The following PRR5L variants were observed in gnomAD, a reference collection of about 807,000 sequenced individuals.
PRR5L encodes the protein proline rich 5 like.
A neutral mutation model predicts 36.4 loss-of-function variants in PRR5L; 21 were observed. That is an observed-to-expected ratio of 0.58 (90% CI 0.41 to 0.83). PRR5L has a LOEUF of 0.83. Ranked by LOEUF, PRR5L falls within the 40% of genes least tolerant of loss-of-function variation. PRR5L has a pLI of 0.00. For missense variants in PRR5L, 381 were observed against 473.3 expected (o/e 0.80, Z 1.81); for synonymous variants, 188 against 197.0 (o/e 0.95, Z 0.38).
At position 36,464,551 on chromosome 11, in the gene PRR5L, T is replaced by C. The variant is rs965347068; in HGVS notation, c.*1815T>C. 1 of 152,236 alleles carries C rather than the reference T, an allele frequency of 6.6e-6. No homozygotes were observed. The highest frequency in any genetic ancestry group is 2.4e-5 in the African/African-American group (1 of 41,458). 9.4% of individuals were successfully genotyped at this position (152,236 alleles called of 1,614,324 possible). A position where few individuals can be genotyped will look rare whatever the true frequency, so the allele number is the denominator to read the frequency against. ...CAAAAAAATAATCTCTATGTATGTGTTGGATAAAGTCTACAGACTGACTAA... is the reference window on the plus strand; with the variant it reads ...CAAAAAAATAATCTCTATGTATGTGCTGGATAAAGTCTACAGACTGACTAA... On this transcript the variant is annotated 3_prime_UTR_variant, in exon 9 of 9. Coordinates refer to ENST00000530639, the MANE Select transcript of PRR5L (RefSeq NM_001160167.2).
chr11:36,374,093 CCTTCCTTCCTTCCT>C (rs1450262450), intron 1 of PRR5L, among the ~76,000 whole-genome samples: 20 of 117,936 alleles, frequency 1.7e-4, no homozygotes, highest in African/African-American at 7.0e-4. Context: ...TTCCTTCCTT[CCTTCCTTCCTTCCT>C]CTCTCTCTCT....
intron 1 of PRR5L, among the ~76,000 whole-genome samples, chr11:36,310,890 G>C (rs778360570): frequency 6.6e-6 from 1 of 151,566 alleles, no homozygotes; most frequent in Non-Finnish European, 1.5e-5. Context: ...CCAGCTACTC[G>C]GGAGGCCAAG....
At chr11:36,398,651 G>A (rs2133554193) in intron 1 of PRR5L, 1 of 152,422 alleles carries the variant, frequency 6.6e-6, no homozygotes, top group East Asian at 1.9e-4. Flanking sequence ...CATAGTCGTA[G>A]GCTGAAAATG....
intron 4 of PRR5L, among the ~76,000 whole-genome samples, chr11:36,430,892 G>A (rs1858478917): frequency 6.6e-6 from 1 of 152,120 alleles, no homozygotes; most frequent in South Asian, 2.1e-4. Flanking sequence ...ATTGCAGTAG[G>A]ATCTAGGGTT....
chr11:36,352,750 C>T (rs1296021666), intron 1 of PRR5L, among the ~76,000 whole-genome samples: 3 of 152,204 alleles, frequency 2.0e-5, no homozygotes, highest in Non-Finnish European at 4.4e-5. Context: ...TGGCCCTCCT[C>T]AGATACCAGG....
chr11:36,413,759 T>C lies in PRR5L; in HGVS notation c.246-5496T>C, dbSNP rs557462721. On this transcript the variant is annotated intron_variant, in intron 3 of 8. Coordinates refer to ENST00000530639, the MANE Select transcript of PRR5L (RefSeq NM_001160167.2). ...ATACTTTTAGTGTACGTGTGCACAA[T>C]GTGCAGGTTAGTTACATATGTATAC... 6.3e-4 allele frequency among the ~76,000 whole-genome samples: 95 copies of C among 151,820 alleles called. 1 individual carries two copies. The highest frequency in any genetic ancestry group is 3.4e-3 in the Middle Eastern group (1 of 294).
chr11:36,463,828 T>C lies in PRR5L; in HGVS notation c.*1092T>C, dbSNP rs967583932. On this transcript the variant is annotated 3_prime_UTR_variant, in exon 9 of 9. Transcript: ENST00000530639. Reference sequence around the variant, plus strand: ...ACAGAGCTCTAGAAGCAGCTGGACTTGAACCCACAATGGCTTGTGTAAATT... The same window carrying C: ...ACAGAGCTCTAGAAGCAGCTGGACTCGAACCCACAATGGCTTGTGTAAATT... The C allele has an allele frequency of 5.3e-5, 8 of 152,166 alleles. No individual in the cohort carries two copies. Among genetic ancestry groups the C allele is most frequent in the Non-Finnish European group, 5.9e-5 (4 of 68,032 alleles). 9.4% of individuals were successfully genotyped at this position (152,166 alleles called of 1,614,324 possible). A position where few individuals can be genotyped will look rare whatever the true frequency, so the allele number is the denominator to read the frequency against.
intron 1 of PRR5L, among the ~76,000 whole-genome samples, chr11:36,324,841 C>A (rs2133466935): frequency 6.6e-6 from 1 of 152,212 alleles, no homozygotes; most frequent in Admixed American, 6.5e-5. Flanking sequence ...TCTTTTCATT[C>A]TCTTAATAAG....
At chr11:36,418,259 G>C (rs1858188793) in intron 3 of PRR5L, among the ~76,000 whole-genome samples, 1 of 152,188 alleles carries the variant, frequency 6.6e-6, no homozygotes, top group South Asian at 2.1e-4. Context: ...TGTCCCTGCT[G>C]TGGTCCCCTT....
At chr11:36,451,552 C>A (rs1448797991) in intron 8 of PRR5L, among the ~76,000 whole-genome samples, 7 of 152,206 alleles carry the variant, frequency 4.6e-5, no homozygotes, top group Admixed American at 4.6e-4. Flanking sequence ...GATGATTCCT[C>A]CCCAAGGACC....
intron 6 of PRR5L, among the ~76,000 whole-genome samples, chr11:36,444,927 T>C (rs1461340748): frequency 2.6e-5 from 4 of 152,210 alleles, no homozygotes; most frequent in Non-Finnish European, 5.9e-5. Context: ...TCTCTGTCCA[T>C]CAATCCATCC....
chr11:36,399,401 A>G (rs1410800262), intron 1 of PRR5L, among the ~76,000 whole-genome samples: 1 of 149,964 alleles, frequency 6.7e-6, no homozygotes, highest in African/African-American at 2.5e-5. Context: ...AGCTGCTAAC[A>G]CCTCCCGTGC....
At position 36,418,582 on chromosome 11, in the gene PRR5L, G is replaced by A. The variant is rs1858196518; in HGVS notation, c.246-673G>A. Among the ~76,000 whole-genome samples the A allele has an allele frequency of 2.0e-5, 3 of 152,082 alleles. No homozygotes were observed. The South Asian group carries it at 6.2e-4, about 32-fold the overall frequency. ...GAGGCCGAGGCGGGCGGATCACGAG[G>A]TCAGGAGATCGAGACCATCCTGGCT... On this transcript the variant is annotated intron_variant, in intron 3 of 8. Coordinates refer to ENST00000530639, the MANE Select transcript of PRR5L (RefSeq NM_001160167.2).
At chr11:36,442,981 G>A (rs1022743074) in intron 6 of PRR5L, among the ~76,000 whole-genome samples, 5 of 151,794 alleles carry the variant, frequency 3.3e-5, no homozygotes, top group African/African-American at 1.2e-4. Flanking sequence ...ACACCTTCAG[G>A]TATCTTCATA....
chr11:36,301,540 C>T (rs1007657928), intron 1 of PRR5L, among the ~76,000 whole-genome samples: 1 of 152,028 alleles, frequency 6.6e-6, no homozygotes, highest in African/African-American at 2.4e-5. Context: ...GATGCTATGC[C>T]ATGATGGGTC....
At chr11:36,416,263 G>A (rs1858140684) in intron 3 of PRR5L, among the ~76,000 whole-genome samples, 1 of 152,180 alleles carries the variant, frequency 6.6e-6, no homozygotes, top group African/African-American at 2.4e-5. Flanking sequence ...TAAGGGATAA[G>A]GGCAGTGTAG....
intron 1 of PRR5L, among the ~76,000 whole-genome samples, chr11:36,298,946 A>T (rs974081590): frequency 6.6e-6 from 1 of 152,160 alleles, no homozygotes; most frequent in African/African-American, 2.4e-5. Flanking sequence ...ATTAAGGCCT[A>T]CCCTAAGGGG....
intron 1 of PRR5L, among the ~76,000 whole-genome samples, chr11:36,302,776 C>T (rs564909919): frequency 3.9e-4 from 59 of 151,806 alleles, no homozygotes; most frequent in Non-Finnish European, 6.5e-4. Context: ...GGTGACGGAG[C>T]GAGACTCTGT....
intron 1 of PRR5L, among the ~76,000 whole-genome samples, chr11:36,310,995 C>CAAAAAA (rs59947428): frequency 2.6e-4 from 23 of 88,380 alleles, no homozygotes; most frequent in African/African-American, 1.0e-3. Context: ...ACTCCGTCTC[C>CAAAAAA]AAAAAAAAAA....
Sources: allele counts gnomAD v4.1 joint callset (sites outside exome capture counted in the v4.1 genomes callset), GRCh38; gene constraint gnomAD v4.1.1; transcripts MANE v1.5; gene names NCBI Gene and HGNC (gene_info 2026-07-23, HGNC 2026-07-21).